The following BDKRB2 variants were observed in gnomAD, a reference collection of about 807,000 sequenced individuals.
BDKRB2 encodes bradykinin receptor B2.
In BDKRB2, 6 loss-of-function variants were observed where a neutral mutation model predicts 4.0. The ratio of observed to expected loss-of-function variants is 1.49; its 90% confidence interval spans 0.81 to 2.93. The LOEUF (loss-of-function observed/expected upper bound fraction) is 2.93. BDKRB2 is among the 30% of genes most tolerant of loss of function. The pLI, the probability that BDKRB2 is intolerant of heterozygous loss-of-function variation, is 0.00. For synonymous variants in BDKRB2, 225 were observed against 215.3 expected, an observed-to-expected ratio of 1.05 and a Z score of -0.40; for missense variants, 478 against 520.1, an observed-to-expected ratio of 0.92 and a Z score of 0.79.
rs766530842 is a variant in BDKRB2 at position 96,241,250 on chromosome 14, C to G, written c.922C>G (p.Arg308Gly). Residue 308 changes from arginine to glycine, a missense_variant, in exon 3 of 3, where the codon CGC (arginine) becomes GGC (glycine). Arg to Gly is a moderately radical substitution (Grantham distance 125). Coordinates refer to ENST00000554311, the MANE Select transcript of BDKRB2 (RefSeq NM_001379692.1). Reference sequence around the variant, plus strand: ...CATCCTCTCCAGCTGCCAGGACGAGCGCATCATCGATGTAATCACACAGAT... The same window carrying G: ...CATCCTCTCCAGCTGCCAGGACGAGGGCATCATCGATGTAATCACACAGAT... The part of the protein sequence containing the change: ...LGILSSCQDE[R>G]IIDVITQIAS... The G allele has an allele frequency of 1.2e-6, 2 of 1,613,274 alleles. No individual in the cohort carries two copies. The highest frequency in any genetic ancestry group is 1.7e-6 in the Non-Finnish European group (2 of 1,179,358).
chr14:96,206,368 GTC>G (rs1416210263), intron 1 of BDKRB2, among the ~76,000 whole-genome samples: 1 of 152,172 alleles, frequency 6.6e-6, no homozygotes, highest in Non-Finnish European at 1.5e-5. Flanking sequence ...AGGAAACTGA[GTC>G]TCAGAGGGGG....
chr14:96,204,867 GA>G lies in BDKRB2; in HGVS notation c.-131del. ...CCAGCTCTGGCTTCTGGGCTCCGAGGAGGGGTGGGGACGGTGGGGACGGTGG... is the reference window on the plus strand; with the variant it reads ...CCAGCTCTGGCTTCTGGGCTCCGAGGGGGGTGGGGACGGTGGGGACGGTGG... On this transcript the variant is annotated 5_prime_UTR_variant, in exon 1 of 3. Transcript: ENST00000554311. The G allele has an allele frequency of 2.9e-6, 1 of 341,770 alleles. No homozygotes were observed. The highest frequency in any genetic ancestry group is 5.7e-6 in the Non-Finnish European group (1 of 174,176). The allele number at this position is 341,770 out of a possible 1,614,324, so 21.2% of individuals were successfully genotyped here. A position where few individuals can be genotyped will look rare whatever the true frequency, so the allele number is the denominator to read the frequency against.
chr14:96,237,633 G>T, intron 2 of BDKRB2: 1 of 1,264,800 alleles, frequency 7.9e-7, no homozygotes, highest in Non-Finnish European at 1.0e-6. Flanking sequence ...TAGAAGCAGA[G>T]GATAGGGAGA....
chr14:96,236,858 A>C (rs1174838626), intron 1 of BDKRB2, among the ~76,000 whole-genome samples: 1 of 152,140 alleles, frequency 6.6e-6, no homozygotes, highest in African/African-American at 2.4e-5. Flanking sequence ...GTCAGTTTGC[A>C]GTTATTAAGT....
chr14:96,216,511 T>A (rs1261328726), intron 1 of BDKRB2, among the ~76,000 whole-genome samples: 1 of 150,922 alleles, frequency 6.6e-6, no homozygotes, highest in Non-Finnish European at 1.5e-5. Context: ...TGGTCCCAGC[T>A]GCTTGGAAGG....
chr14:96,215,627 T>C (rs1259993792), intron 1 of BDKRB2, among the ~76,000 whole-genome samples: 1 of 152,200 alleles, frequency 6.6e-6, no homozygotes, highest in Non-Finnish European at 1.5e-5. Context: ...TGCTTTCCTC[T>C]CACAGTCTGT....
chr14:96,216,947 G>T (rs1366765928), intron 1 of BDKRB2, among the ~76,000 whole-genome samples: 2 of 152,170 alleles, frequency 1.3e-5, no homozygotes. Flanking sequence ...AGGAGTGAGG[G>T]GCTGTGGCAT....
chr14:96,208,424 C>T (rs991256623), intron 1 of BDKRB2, among the ~76,000 whole-genome samples: 4 of 152,162 alleles, frequency 2.6e-5, no homozygotes, highest in Admixed American at 6.5e-5. Context: ...GCTCTCGGTT[C>T]GAATTCACCG....
At chr14:96,216,726 GAGGAGGA>G (rs1328677670) in intron 1 of BDKRB2, among the ~76,000 whole-genome samples, 1 of 109,668 alleles carries the variant, frequency 9.1e-6, no homozygotes, top group Non-Finnish European at 1.9e-5. Context: ...GAGGAAGGAG[GAGGAGGA>G]AGGAGGAGGA....
intron 1 of BDKRB2, among the ~76,000 whole-genome samples, chr14:96,211,613 T>C (rs8009545): frequency 0.053 from 8,114 of 152,170 alleles, 525 homozygotes; most frequent in East Asian, 0.16. Flanking sequence ...CTGTAGCACA[T>C]TGGGGAGATG....
chr14:96,209,545 G>A (rs1157167411), intron 1 of BDKRB2, among the ~76,000 whole-genome samples: 4 of 152,170 alleles, frequency 2.6e-5, no homozygotes, highest in East Asian at 1.9e-4. Flanking sequence ...AGGAAAAATC[G>A]GGGGAAGGTG....
intron 2 of BDKRB2, chr14:96,238,444 AT>A: frequency 1.0e-6 from 1 of 983,908 alleles, no homozygotes; most frequent in Non-Finnish European, 1.2e-6. Flanking sequence ...ATATCAAGTA[AT>A]TCGGGGGGCA....
At chr14:96,212,081 G>T (rs956511963) in intron 1 of BDKRB2, among the ~76,000 whole-genome samples, 6 of 152,122 alleles carry the variant, frequency 3.9e-5, no homozygotes, top group East Asian at 1.9e-4. Flanking sequence ...GAGGCAACAG[G>T]CAGGGACAGA....
intron 1 of BDKRB2, among the ~76,000 whole-genome samples, chr14:96,216,733 A>AAGGAGGAGGAGGAGGACGG: frequency 9.9e-6 from 1 of 101,230 alleles, no homozygotes; most frequent in South Asian, 4.2e-4. Flanking sequence ...GAGGAGGAGG[A>AAGGAGGAGGAGGAGGACGG]AGGAGGAGGA....
At chr14:96,220,060 A>AT (rs894458173) in intron 1 of BDKRB2, among the ~76,000 whole-genome samples, 2 of 151,848 alleles carry the variant, frequency 1.3e-5, no homozygotes, top group South Asian at 2.1e-4. Context: ...CGGTTAGGGC[A>AT]TTTTTTTCCA....
intron 2 of BDKRB2, chr14:96,239,470 G>C: frequency 1.0e-6 from 1 of 985,366 alleles, no homozygotes; most frequent in Non-Finnish European, 1.2e-6. Context: ...CCTGCCCTAT[G>C]GTCTGTGAGT....
At chr14:96,234,805 G>C (rs1890894957) in intron 1 of BDKRB2, among the ~76,000 whole-genome samples, 2 of 152,222 alleles carry the variant, frequency 1.3e-5, no homozygotes, top group South Asian at 4.1e-4. Flanking sequence ...ATGCACAACA[G>C]ACCCATAATG....
At chr14:96,221,181 C>T (rs1890552258) in intron 1 of BDKRB2, among the ~76,000 whole-genome samples, 1 of 152,114 alleles carries the variant, frequency 6.6e-6, no homozygotes, top group South Asian at 2.1e-4. Flanking sequence ...GTGTGGATTA[C>T]ATGAATTATT....
At chr14:96,230,458 G>A (rs1890792308) in intron 1 of BDKRB2, among the ~76,000 whole-genome samples, 1 of 152,120 alleles carries the variant, frequency 6.6e-6, no homozygotes, top group African/African-American at 2.4e-5. Context: ...GCAACGGTGC[G>A]ATCTCGGCTC....
Sources: gnomAD v4.1 joint callset for allele counts (sites outside exome capture counted in the v4.1 genomes callset) on GRCh38, gnomAD v4.1.1 for gene constraint, MANE v1.5 for transcripts, NCBI Gene and HGNC (gene_info 2026-07-23, HGNC 2026-07-21) for gene names.